The following SCAPER variants were observed in gnomAD, a reference collection of about 807,000 sequenced individuals.
The protein encoded by SCAPER is S phase cyclin A-associated protein in the endoplasmic reticulum.
A neutral mutation model predicts 182.2 loss-of-function variants in SCAPER; 98 were observed. The ratio of observed to expected loss-of-function variants is 0.54; its 90% confidence interval spans 0.46 to 0.64. SCAPER has a LOEUF of 0.64. Among genes scored for constraint, SCAPER ranks in the 30% least tolerant of loss-of-function variants. The pLI is 0.00. For synonymous variants in SCAPER, 605 were observed against 564.6 expected (o/e 1.07, Z -1.01); for missense variants, 1,432 against 1,690.0 (o/e 0.85, Z 2.68).
chr15:76,414,620 G>A (rs2045531451), intron 26 of SCAPER, among the ~76,000 whole-genome samples: 1 of 152,082 alleles, frequency 6.6e-6, no homozygotes, highest in Non-Finnish European at 1.5e-5. Context: ...AAACAGTTAT[G>A]TGAGAAATTA....
At chr15:76,471,374 C>T in intron 24 of SCAPER, 39 bp from the exon 25 acceptor site, 3 of 1,570,604 alleles carry the variant, frequency 1.9e-6, no homozygotes, top group South Asian at 1.2e-5. Context: ...AAAACCCGAG[C>T]AGCTCTTCTT....
intron 26 of SCAPER, among the ~76,000 whole-genome samples, chr15:76,429,769 G>GA (rs1309956738): frequency 2.6e-5 from 4 of 152,150 alleles, no homozygotes; most frequent in Non-Finnish European, 2.9e-5. Context: ...CGATAGAAAA[G>GA]AAAATCCCAT....
chr15:76,795,579 G>A (rs1598775652), intron 7 of SCAPER, 139 bp from the exon 8 acceptor site: 2 of 548,812 alleles, frequency 3.6e-6, no homozygotes, highest in Non-Finnish European at 5.7e-6. Flanking sequence ...GGCAATTTAA[G>A]GTAACTATAT....
intron 5 of SCAPER, among the ~76,000 whole-genome samples, chr15:76,818,581 C>A (rs1490827940): frequency 3.3e-5 from 5 of 151,394 alleles, no homozygotes; most frequent in African/African-American, 1.2e-4. Context: ...ATACAAAAAA[C>A]TCTTAAAACT....
intron 1 of SCAPER, among the ~76,000 whole-genome samples, chr15:76,893,540 G>A (rs1382074704): frequency 6.6e-6 from 1 of 151,814 alleles, no homozygotes. Flanking sequence ...CAAGGAAACA[G>A]TGAACTTGAA....
chr15:76,466,825 T>C (rs2049702073), intron 25 of SCAPER, among the ~76,000 whole-genome samples: 1 of 152,106 alleles, frequency 6.6e-6, no homozygotes, highest in African/African-American at 2.4e-5. Context: ...AGATGCTTGC[T>C]GCTTTCTTAT....
At chr15:76,872,944 C>CATTATAA (rs1446342191) in intron 2 of SCAPER, among the ~76,000 whole-genome samples, 2 of 151,770 alleles carry the variant, frequency 1.3e-5, no homozygotes, top group African/African-American at 4.8e-5. Context: ...ATAATAGACT[C>CATTATAA]TAGTAAGTCA....
intron 5 of SCAPER, among the ~76,000 whole-genome samples, chr15:76,821,047 T>C (rs566586330): frequency 6.6e-6 from 1 of 152,356 alleles, no homozygotes; most frequent in East Asian, 1.9e-4. Context: ...ATGGTACAGC[T>C]ACTTTGGAAG....
At chr15:76,606,987 C>G (rs2145871540) in intron 22 of SCAPER, among the ~76,000 whole-genome samples, 1 of 152,306 alleles carries the variant, frequency 6.6e-6, no homozygotes, top group African/African-American at 2.4e-5. Flanking sequence ...CAGTCTGTGT[C>G]TTTTAATTGG....
chr15:76,738,574 T>C (rs1458360788), intron 15 of SCAPER, among the ~76,000 whole-genome samples: 1 of 149,604 alleles, frequency 6.7e-6, no homozygotes, highest in Non-Finnish European at 1.5e-5. Flanking sequence ...GGACACTGTA[T>C]GGTTATCGAT....
chr15:76,869,431 C>A (rs1255324928), intron 2 of SCAPER, among the ~76,000 whole-genome samples: 1 of 151,554 alleles, frequency 6.6e-6, no homozygotes, highest in Admixed American at 6.6e-5. Flanking sequence ...CACAAATAAT[C>A]CAAATTAAAA....
chr15:76,890,698 TCCAG>T (rs2074115929), intron 1 of SCAPER, among the ~76,000 whole-genome samples: 1 of 152,054 alleles, frequency 6.6e-6, no homozygotes, highest in Admixed American at 6.6e-5. Flanking sequence ...CCAAAAAAAG[TCCAG>T]GACCAGATAG....
At chr15:76,436,217 G>A (rs556381152) in intron 25 of SCAPER, among the ~76,000 whole-genome samples, 4 of 152,124 alleles carry the variant, frequency 2.6e-5, no homozygotes, top group South Asian at 2.1e-4. Context: ...ACAGGTGTGC[G>A]TCATTACACC....
At chr15:76,475,071 T>C (rs1016373749) in intron 24 of SCAPER, among the ~76,000 whole-genome samples, 1 of 152,254 alleles carries the variant, frequency 6.6e-6, no homozygotes, top group African/African-American at 2.4e-5. Context: ...AGAGTATTTT[T>C]CTATTTAATT....
At chr15:76,627,433 T>C (rs780275032) in intron 21 of SCAPER, among the ~76,000 whole-genome samples, 3 of 152,038 alleles carry the variant, frequency 2.0e-5, no homozygotes, top group Non-Finnish European at 4.4e-5. Context: ...TTCCTAATGC[T>C]CTCCCACCCC....
intron 15 of SCAPER, among the ~76,000 whole-genome samples, chr15:76,745,066 G>A (rs2061724038): frequency 6.6e-6 from 1 of 152,088 alleles, no homozygotes; most frequent in South Asian, 2.1e-4. Flanking sequence ...TTTCTCATTT[G>A]TAAGTGGGAG....
At chr15:76,787,166 G>A (rs189517629) in intron 8 of SCAPER, among the ~76,000 whole-genome samples, 1 of 152,062 alleles carries the variant, frequency 6.6e-6, no homozygotes, top group Non-Finnish European at 1.5e-5. Flanking sequence ...AAAGACAAAG[G>A]ACCTAAAATA....
chr15:76,868,554 AAT>A (rs1408125088), intron 2 of SCAPER, among the ~76,000 whole-genome samples: 2 of 152,188 alleles, frequency 1.3e-5, no homozygotes, highest in Non-Finnish European at 2.9e-5. Flanking sequence ...AGTTACAAAG[AAT>A]ATAAAATATC....
intron 22 of SCAPER, among the ~76,000 whole-genome samples, chr15:76,618,722 TGA>T (rs1231335309): frequency 1.3e-5 from 2 of 152,202 alleles, no homozygotes; most frequent in Non-Finnish European, 2.9e-5. Context: ...ACTTATTACT[TGA>T]GAGTTTTAAA....
Sources: gnomAD v4.1 joint callset for allele counts (sites outside exome capture counted in the v4.1 genomes callset) on GRCh38, gnomAD v4.1.1 for gene constraint, MANE v1.5 for transcripts, NCBI Gene and HGNC (gene_info 2026-07-23, HGNC 2026-07-21) for gene names.